MEI1: variants seen among roughly 807,000 people sequenced by gnomAD.
MEI1 encodes the protein meiotic double-stranded break formation protein 1, also known as meiosis inhibitor protein 1.
A neutral mutation model predicts 146.2 loss-of-function variants in MEI1; 103 were observed. The observed-to-expected ratio is 0.70, with a 90% CI of 0.60 to 0.83. The LOEUF (loss-of-function observed/expected upper bound fraction) is 0.83, where lower values mean the gene tolerates loss of function less well. Among genes scored for constraint, MEI1 ranks in the 40% least tolerant of loss-of-function variants. MEI1 has a pLI of 0.00. For synonymous variants in MEI1, 652 were observed against 628.2 expected (o/e 1.04, Z -0.57); for missense variants, 1,529 against 1,533.0 (o/e 1.00, Z 0.04).
At chr22:41,738,501 C>A (rs776452230) in intron 11 of MEI1, among the ~76,000 whole-genome samples, 30 of 152,156 alleles carry the variant, frequency 2.0e-4, no homozygotes, top group Non-Finnish European at 3.4e-4. Context: ...GCAGGAGAAT[C>A]GCTTGAACCT....
intron 22 of MEI1, 26 bp from the exon 23 acceptor site, chr22:41,781,258 C>T (rs184386977): frequency 3.9e-5 from 61 of 1,565,726 alleles, no homozygotes; most frequent in East Asian, 3.4e-4. Flanking sequence ...TGCGACAGGC[C>T]GACTGGGGAC....
chr22:41,746,137 G>A (rs2073270347), intron 14 of MEI1, 111 bp downstream of exon 14: 8 of 1,012,008 alleles, frequency 7.9e-6, no homozygotes, highest in South Asian at 2.9e-5. Context: ...CTCTCTGGGG[G>A]CCTCAGCAGT....
intron 19 of MEI1, among the ~76,000 whole-genome samples, chr22:41,770,267 C>T (rs1224166377): frequency 2.0e-5 from 3 of 152,116 alleles, no homozygotes; most frequent in African/African-American, 7.2e-5. Context: ...GGGAAGTAGA[C>T]ATGCACACTG....
At chr22:41,760,150 A>C (rs2074380291) in intron 18 of MEI1, among the ~76,000 whole-genome samples, 1 of 151,904 alleles carries the variant, frequency 6.6e-6, no homozygotes, top group Non-Finnish European at 1.5e-5. Context: ...TCTACTAAAA[A>C]TACAAAAAAA....
At chr22:41,716,736 C>T (rs2070236174) in intron 5 of MEI1, among the ~76,000 whole-genome samples, 1 of 136,958 alleles carries the variant, frequency 7.3e-6, no homozygotes, top group Non-Finnish European at 1.5e-5. Flanking sequence ...GTTGCCCAGG[C>T]TGGAGTGCAG....
intron 13 of MEI1, 105 bp from the exon 14 acceptor site, chr22:41,745,780 C>G: frequency 4.3e-6 from 5 of 1,158,226 alleles, no homozygotes; most frequent in Non-Finnish European, 4.8e-6. Context: ...GAGATACTTT[C>G]CCTGGACCCT....
At chr22:41,738,979 A>G (rs1310012856) in intron 11 of MEI1, among the ~76,000 whole-genome samples, 1 of 151,826 alleles carries the variant, frequency 6.6e-6, no homozygotes, top group Non-Finnish European at 1.5e-5. Context: ...AAATAAATAA[A>G]TAAATTATAG....
At chr22:41,700,262 A>T (rs945670832) in intron 1 of MEI1, among the ~76,000 whole-genome samples, 7 of 152,160 alleles carry the variant, frequency 4.6e-5, no homozygotes, top group Non-Finnish European at 7.4e-5. Context: ...GAACGGGAAG[A>T]CTGTTCCTTG....
At chr22:41,700,224 C>T (rs1251253641) in intron 1 of MEI1, among the ~76,000 whole-genome samples, 1 of 152,216 alleles carries the variant, frequency 6.6e-6, no homozygotes, top group African/African-American at 2.4e-5. Context: ...ACAGGAGTGA[C>T]AGGTTACAGC....
At chr22:41,745,419 C>G (rs2073212181) in intron 13 of MEI1, among the ~76,000 whole-genome samples, 1 of 152,146 alleles carries the variant, frequency 6.6e-6, no homozygotes, top group East Asian at 1.9e-4. Flanking sequence ...GTTGTATCTA[C>G]TGTGTGCCAT....
chr22:41,700,246 G>A (rs910045297), intron 1 of MEI1, among the ~76,000 whole-genome samples: 7 of 152,226 alleles, frequency 4.6e-5, no homozygotes, highest in African/African-American at 1.7e-4. Context: ...GGGCAGAAGT[G>A]GGGGTGAACG....
chr22:41,722,521 G>A (rs1023852287), intron 6 of MEI1, among the ~76,000 whole-genome samples: 9 of 127,712 alleles, frequency 7.0e-5, no homozygotes, highest in Non-Finnish European at 9.5e-5. Flanking sequence ...CTCATAAGCT[G>A]TTTATGGTCT....
At chr22:41,733,982 G>T (rs927099149) in intron 11 of MEI1, among the ~76,000 whole-genome samples, 3 of 151,052 alleles carry the variant, frequency 2.0e-5, no homozygotes, top group Admixed American at 1.3e-4. Context: ...TAAAAAATTA[G>T]CCGGATGTGG....
chr22:41,706,070 G>A (rs2069073222), intron 3 of MEI1, among the ~76,000 whole-genome samples: 1 of 151,966 alleles, frequency 6.6e-6, no homozygotes, highest in African/African-American at 2.4e-5. Context: ...CCAGGCTGGA[G>A]TGCAGTGGTA....
At chr22:41,723,701 A>G (rs749742236) in intron 6 of MEI1, among the ~76,000 whole-genome samples, 2 of 152,090 alleles carry the variant, frequency 1.3e-5, no homozygotes, top group Non-Finnish European at 2.9e-5. Flanking sequence ...CAGTCGGGCT[A>G]TGTTTATCTT....
chr22:41,749,690 G>A (rs2073611445), intron 15 of MEI1, among the ~76,000 whole-genome samples: 1 of 152,212 alleles, frequency 6.6e-6, no homozygotes. Context: ...TGAGTTAGAG[G>A]GAGGCAGATT....
At chr22:41,711,121 C>A (rs916222312) in intron 3 of MEI1, among the ~76,000 whole-genome samples, 1 of 152,178 alleles carries the variant, frequency 6.6e-6, no homozygotes, top group African/African-American at 2.4e-5. Context: ...CCACTTTATG[C>A]TCCCTCTGAA....
In MEI1 at chr22:41,781,406, C is replaced by T. The variant is rs201742396; in HGVS notation, c.2926+12C>T. On this transcript the variant is annotated intron_variant, in intron 23 of 30. Coordinates refer to ENST00000401548, the MANE Select transcript of MEI1 (RefSeq NM_152513.4). ...CAGTCAGAAAAGAGGTGCAGGGGCC[C>T]GGGCTGGGACAGTGAAGAGTGCTGG... The T allele has an allele frequency of 6.3e-6, 10 of 1,594,022 alleles. No homozygotes were observed. Among genetic ancestry groups the T allele is most frequent in the Admixed American group, 3.5e-5 (2 of 57,814 alleles).
intron 26 of MEI1, among the ~76,000 whole-genome samples, chr22:41,793,114 T>G (rs2076243675): frequency 6.9e-6 from 1 of 144,752 alleles, no homozygotes; most frequent in East Asian, 2.2e-4. Flanking sequence ...GGCATGATCG[T>G]GGCTCATTCT....
Sources: allele counts gnomAD v4.1 joint callset (sites outside exome capture counted in the v4.1 genomes callset), GRCh38; gene constraint gnomAD v4.1.1; transcripts MANE v1.5; gene names NCBI Gene and HGNC (gene_info 2026-07-23, HGNC 2026-07-21).